Variants in FYB2 observed in about 807,000 individuals in gnomAD.
The protein encoded by FYB2 is FYN binding protein 2.
FYB2 carries 103 observed loss-of-function variants against 94.1 expected under a neutral mutation model. That is an observed-to-expected ratio of 1.09 (90% CI 0.93 to 1.29). FYB2 has a LOEUF of 1.29. Ranked by LOEUF, FYB2 falls within the 50% of genes most tolerant of loss-of-function variation. FYB2 has a pLI of 0.00. For missense variants in FYB2, 896 were observed against 841.5 expected, an observed-to-expected ratio of 1.06 and a Z score of -0.80; for synonymous variants, 293 against 287.9, an observed-to-expected ratio of 1.02 and a Z score of -0.18.
chr1:56,757,739 T>TTTCA (rs1490206324), intron 6 of FYB2, among the ~76,000 whole-genome samples: 7 of 126,328 alleles, frequency 5.5e-5, no homozygotes, highest in Admixed American at 8.4e-5. Context: ...TCTTTCATTC[T>TTTCA]TTCTTTCTTT....
At chr1:56,780,105 C>T (rs1645972991) in intron 4 of FYB2, among the ~76,000 whole-genome samples, 1 of 152,104 alleles carries the variant, frequency 6.6e-6, no homozygotes, top group Non-Finnish European at 1.5e-5. Flanking sequence ...CAATGCTCAG[C>T]ATGTGGTCAT....
Position 56,792,147 on chromosome 1 carries a change from T to C in FYB2, c.666A>G (p.Arg222=). The change falls in exon 2 of 20, where the codon AGA becomes AGG. Residue 222 remains arginine (R), a synonymous_variant. Transcript: ENST00000343433. Reference sequence around the variant, plus strand: ...CAGGAGGTGGGTTTTCCCAGCTTTTTCTGATATGTTGAGAAATTACAAAAG... The same window carrying C: ...CAGGAGGTGGGTTTTCCCAGCTTTTCCTGATATGTTGAGAAATTACAAAAG... ...DPSFVISQHI[R]KSWENPPPER... is the part of the protein sequence containing the mutation. The C allele has an allele frequency of 6.2e-7, 1 of 1,614,008 alleles. No homozygotes were observed. The highest frequency in any genetic ancestry group is 1.1e-5 in the South Asian group (1 of 91,026).
chr1:56,772,353 A>G (rs1253882383), intron 4 of FYB2, among the ~76,000 whole-genome samples: 1 of 152,152 alleles, frequency 6.6e-6, no homozygotes, highest in Non-Finnish European at 1.5e-5. Flanking sequence ...TTTGCAGAGA[A>G]TCAGTGCTGG....
intron 15 of FYB2, among the ~76,000 whole-genome samples, chr1:56,730,991 T>TG (rs1257798230): frequency 6.6e-6 from 1 of 152,136 alleles, no homozygotes; most frequent in African/African-American, 2.4e-5. Context: ...GATATATCCC[T>TG]GAGCCCAGGA....
At chr1:56,816,549 GCAC>G (rs1646885962) in intron 1 of FYB2, among the ~76,000 whole-genome samples, 1 of 152,144 alleles carries the variant, frequency 6.6e-6, no homozygotes. Context: ...GGGAACATGG[GCAC>G]CACCTCTTCA....
chr1:56,825,558 G>A, the FYB2 span, among the ~76,000 whole-genome samples: 8 of 152,194 alleles, frequency 5.3e-5, no homozygotes, highest in Admixed American at 2.6e-4. Context: ...CTCACCCTAC[G>A]GAACCTGTAG....
chr1:56,788,661 C>A (rs769806192), intron 3 of FYB2, among the ~76,000 whole-genome samples: 1 of 152,208 alleles, frequency 6.6e-6, no homozygotes, highest in Admixed American at 6.5e-5. Context: ...GTTGACAACA[C>A]AGGTTTGCAG....
chr1:56,745,203 C>T (rs565760711), intron 9 of FYB2, among the ~76,000 whole-genome samples: 2 of 152,132 alleles, frequency 1.3e-5, no homozygotes, highest in East Asian at 1.9e-4. Flanking sequence ...CTTCCTCAAT[C>T]CTTCCTTTTG....
chr1:56,780,941 C>A (rs529533452), intron 4 of FYB2, among the ~76,000 whole-genome samples: 1 of 152,282 alleles, frequency 6.6e-6, no homozygotes, highest in Admixed American at 6.5e-5. Context: ...AAAATTCATT[C>A]TCTTCATTCT....
At chr1:56,788,904 C>A (rs1374127340) in intron 3 of FYB2, 69 bp downstream of exon 3, 1 of 1,580,988 alleles carries the variant, frequency 6.3e-7, no homozygotes, top group Non-Finnish European at 8.7e-7. Context: ...GCATCGTCAC[C>A]TGGGAGAGGA....
intron 5 of FYB2, 37 bp downstream of exon 5, chr1:56,767,792 C>T (rs760752126): frequency 2.1e-6 from 3 of 1,443,378 alleles, no homozygotes; most frequent in South Asian, 1.2e-5. Context: ...TTTCATTCCA[C>T]ACAGGGTTAC....
chr1:56,723,776 G>T, intron 16 of FYB2, 95 bp from the exon 17 acceptor site: 1 of 681,368 alleles, frequency 1.5e-6, no homozygotes, highest in Non-Finnish European at 2.4e-6. Context: ...GATAAATTCA[G>T]GTATAATTTT....
At chr1:56,819,559 C>G, upstream of FYB2, 2 of 576,922 alleles carry the variant, frequency 3.5e-6, no homozygotes, top group Non-Finnish European at 3.1e-6. Flanking sequence ...GCAGTCCTGC[C>G]AAGCCCACCT....
At chr1:56,798,801 G>T (rs1203558528) in intron 1 of FYB2, among the ~76,000 whole-genome samples, 1 of 152,158 alleles carries the variant, frequency 6.6e-6, no homozygotes, top group Non-Finnish European at 1.5e-5. Flanking sequence ...TATGTGACTT[G>T]TCCAAGGTCA....
intron 1 of FYB2, among the ~76,000 whole-genome samples, chr1:56,807,508 T>C (rs1006897698): frequency 1.3e-5 from 2 of 152,224 alleles, no homozygotes; most frequent in Non-Finnish European, 2.9e-5. Context: ...TTTCCAATAC[T>C]AGCAATGGAA....
At chr1:56,725,442 C>T (rs966169022) in intron 16 of FYB2, among the ~76,000 whole-genome samples, 1 of 151,902 alleles carries the variant, frequency 6.6e-6, no homozygotes, top group African/African-American at 2.4e-5. Flanking sequence ...ACTGTTATAT[C>T]ACTCTGTTGT....
At chr1:56,788,030 A>G (rs1407880412) in intron 3 of FYB2, among the ~76,000 whole-genome samples, 1 of 152,214 alleles carries the variant, frequency 6.6e-6, no homozygotes, top group Non-Finnish European at 1.5e-5. Flanking sequence ...ATGGACCAGC[A>G]GCCTCAGCAA....
chr1:56,819,424 G>C, upstream of FYB2: 2 of 1,284,544 alleles, frequency 1.6e-6, no homozygotes, highest in Non-Finnish European at 2.2e-6. Context: ...CTGAGCCCAG[G>C]CTCCCCACCT....
chr1:56,825,961 G>A, the FYB2 span, among the ~76,000 whole-genome samples: 2 of 152,178 alleles, frequency 1.3e-5, no homozygotes, highest in Non-Finnish European at 2.9e-5. Flanking sequence ...GGACTTTCCT[G>A]ACTCCCATTG....
Sources: gnomAD v4.1 joint callset for allele counts (sites outside exome capture counted in the v4.1 genomes callset) on GRCh38, gnomAD v4.1.1 for gene constraint, MANE v1.5 for transcripts, NCBI Gene and HGNC (gene_info 2026-07-23, HGNC 2026-07-21) for gene names.